The following SLC5A4 variants were observed in gnomAD, a reference collection of about 807,000 sequenced individuals.
The protein encoded by SLC5A4 is probable glucose sensor protein SLC5A4.
In SLC5A4, 55 loss-of-function variants were observed where a neutral mutation model predicts 70.3. The observed-to-expected ratio is 0.78, with a 90% confidence interval of 0.63 to 0.98. The LOEUF is 0.98. Ranked by LOEUF, SLC5A4 falls within the 50% of genes least tolerant of loss-of-function variation. The pLI is 0.00. For synonymous variants in SLC5A4, 268 were observed against 305.7 expected (o/e 0.88, Z 1.29); for missense variants, 735 against 839.2 (o/e 0.88, Z 1.53).
At chr22:32,231,136 A>G in intron 9 of SLC5A4, 61 bp from the exon 10 acceptor site, 1 of 952,766 alleles carries the variant, frequency 1.0e-6, no homozygotes, top group Non-Finnish European at 1.7e-6. Flanking sequence ...AACAACCATT[A>G]AACAAAGAGA....
At chr22:32,237,414 C>T in intron 6 of SLC5A4, 90 bp from the exon 7 acceptor site, 1 of 819,200 alleles carries the variant, frequency 1.2e-6, no homozygotes, top group East Asian at 2.8e-5. Flanking sequence ...ACCCACAACC[C>T]TGGAAATGAC....
In SLC5A4 at chr22:32,251,893, G is replaced by C. The variant is rs767009991; in HGVS notation, c.208-19C>G. On this transcript the variant is annotated intron_variant, in intron 2 of 14. Coordinates refer to ENST00000266086, the MANE Select transcript of SLC5A4 (RefSeq NM_014227.3). The stretch of plus-strand genomic sequence containing the variant: ...CGCCCATCTGGAATGCAAGAGAACA[G>C]ACTAGGGTTGGAGTTAAAAGATCCA... 1 of 1,562,866 alleles carries C rather than the reference G, an allele frequency of 6.4e-7. No individual in the cohort carries two copies. The highest frequency in any genetic ancestry group is 8.8e-7 in the Non-Finnish European group (1 of 1,133,518).
the SLC5A4 span, among the ~76,000 whole-genome samples, chr22:32,264,955 T>G: frequency 6.6e-6 from 1 of 152,234 alleles, no homozygotes; most frequent in Non-Finnish European, 1.5e-5. Context: ...TTGGAAATGT[T>G]TGAAAATGCC....
chr22:32,354,163 C>T, the SLC5A4 span, among the ~76,000 whole-genome samples: 3 of 146,548 alleles, frequency 2.0e-5, no homozygotes, highest in African/African-American at 7.6e-5. Context: ...GCAGTGGATA[C>T]GTCCCTCAAT....
the SLC5A4 span, chr22:32,355,017 CAGT>C: frequency 6.6e-6 from 1 of 152,094 alleles, no homozygotes; most frequent in Non-Finnish European, 1.5e-5. Context: ...TCCTCTAAGC[CAGT>C]ACTAACCAGC....
At chr22:32,275,487 G>A in the SLC5A4 span, among the ~76,000 whole-genome samples, 2 of 152,114 alleles carry the variant, frequency 1.3e-5, no homozygotes, top group Non-Finnish European at 2.9e-5. Context: ...TTGTCCTTGC[G>A]ATAGTTTGCT....
At chr22:32,309,778 G>A in the SLC5A4 span, among the ~76,000 whole-genome samples, 3 of 152,110 alleles carry the variant, frequency 2.0e-5, no homozygotes, top group African/African-American at 7.2e-5. Context: ...ACATTTGACA[G>A]ATAAGAAGCA....
chr22:32,324,292 C>T, the SLC5A4 span, among the ~76,000 whole-genome samples: 22 of 138,698 alleles, frequency 1.6e-4, no homozygotes, highest in East Asian at 1.8e-3. Context: ...CACATATATA[C>T]GTATATATAC....
the SLC5A4 span, among the ~76,000 whole-genome samples, chr22:32,269,204 T>C: frequency 6.6e-6 from 1 of 152,240 alleles, no homozygotes. The surrounding 1 kb of genome is among the most constrained non-coding windows in gnomAD (Gnocchi z 4.1). Context: ...TGTTTTTTAT[T>C]ACTTTTTTAG....
intron 10 of SLC5A4, among the ~76,000 whole-genome samples, chr22:32,229,772 C>T (rs999183187): frequency 1.3e-5 from 2 of 152,114 alleles, no homozygotes; most frequent in Non-Finnish European, 2.9e-5. Context: ...CTTAATTGTA[C>T]ATTTTAAAAT....
chr22:32,231,055 G>A lies in SLC5A4; in HGVS notation c.1042C>T (p.Pro348Ser). The A allele has an allele frequency of 6.2e-7, 1 of 1,613,056 alleles. No homozygotes were observed. Among genetic ancestry groups the A allele is most frequent in the Non-Finnish European group, 8.5e-7 (1 of 1,179,052 alleles). The change falls in exon 10 of 15, where the codon CCT becomes TCT. Residue 348 changes from proline (P) to serine (S), a missense_variant. By Grantham distance (74) the Pro-to-Ser change is moderately conservative. Transcript: ENST00000266086. ...CCACAGTGTTTCACGCATTCAGAAG[G>A]TACCACACATGCTACCATATCTGGG... ...LYTDMVACVV[P>S]SECVKHCGVD... is the part of the protein sequence containing the mutation.
intron 13 of SLC5A4, among the ~76,000 whole-genome samples, chr22:32,221,847 C>T (rs146373030): frequency 0.07 from 10,587 of 152,130 alleles, 407 homozygotes; most frequent in African/African-American, 0.092. Context: ...GCCTCCTGGG[C>T]TCAAGCAATT....
the SLC5A4 span, among the ~76,000 whole-genome samples, chr22:32,338,057 T>A: frequency 6.6e-6 from 1 of 152,104 alleles, no homozygotes; most frequent in South Asian, 2.1e-4. Context: ...TGTTTACTTG[T>A]TTTAATGCAA....
chr22:32,272,185 A>G, the SLC5A4 span: 1 of 736,702 alleles, frequency 1.4e-6, no homozygotes, highest in Non-Finnish European at 2.5e-6. Context: ...CTCATGCAGG[A>G]GGAGGAGGAG....
At chr22:32,340,888 A>G in the SLC5A4 span, among the ~76,000 whole-genome samples, 1 of 152,212 alleles carries the variant, frequency 6.6e-6, no homozygotes, top group African/African-American at 2.4e-5. Context: ...TGTCGGGGAC[A>G]CAGGCTGGCA....
chr22:32,279,805 C>T, the SLC5A4 span, among the ~76,000 whole-genome samples: 1 of 152,174 alleles, frequency 6.6e-6, no homozygotes, highest in Non-Finnish European at 1.5e-5. Flanking sequence ...CTCAACATGT[C>T]TGCCCTCTGT....
At chr22:32,339,476 C>T in the SLC5A4 span, among the ~76,000 whole-genome samples, 1 of 152,198 alleles carries the variant, frequency 6.6e-6, no homozygotes, top group South Asian at 2.1e-4. Context: ...GCAGCTCACC[C>T]CTCTGCGGGT....
chr22:32,340,622 G>A, the SLC5A4 span, among the ~76,000 whole-genome samples: 1 of 152,196 alleles, frequency 6.6e-6, no homozygotes, highest in African/African-American at 2.4e-5. Context: ...TTGATCGGGT[G>A]ACCCTGAGCA....
At chr22:32,281,314 CG>C in the SLC5A4 span, among the ~76,000 whole-genome samples, 7 of 152,106 alleles carry the variant, frequency 4.6e-5, no homozygotes, top group Non-Finnish European at 1.0e-4. Flanking sequence ...CTGCTCCCAA[CG>C]GGGCCGCATC....
Sources: allele counts gnomAD v4.1 joint callset (sites outside exome capture counted in the v4.1 genomes callset), GRCh38; gene constraint gnomAD v4.1.1; non-coding constraint Gnocchi (gnomAD v3.1); transcripts MANE v1.5; gene names NCBI Gene and HGNC (gene_info 2026-07-23, HGNC 2026-07-21).